The following RARB variants were observed in gnomAD, a reference collection of about 807,000 sequenced individuals.
RARB encodes the protein retinoic acid receptor beta.
A neutral mutation model predicts 51.9 loss-of-function variants in RARB; 17 were observed. The ratio of observed to expected loss-of-function variants is 0.33; its 90% CI spans 0.22 to 0.49. RARB has a LOEUF of 0.49. RARB is among the 20% of genes least tolerant of loss of function. The probability of loss-of-function intolerance (pLI) is 0.99; values close to 1 mark genes in which losing one functional copy is unlikely to be tolerated. For synonymous variants in RARB, 215 were observed against 195.4 expected (o/e 1.10, Z -0.84); for missense variants, 369 against 550.8 (o/e 0.67, Z 3.30).
At chr3:25,137,218 A>G (rs1700042786) in intron 4 of RARB, among the ~76,000 whole-genome samples, 1 of 152,072 alleles carries the variant, frequency 6.6e-6, no homozygotes, top group Non-Finnish European at 1.5e-5. Context: ...ATACATCCAA[A>G]GAAAAAAACT....
chr3:24,860,573 C>T (rs1042479600), intron 2 of RARB, among the ~76,000 whole-genome samples: 31 of 152,130 alleles, frequency 2.0e-4, no homozygotes, highest in Non-Finnish European at 3.2e-4. Context: ...ACTGCTGCTC[C>T]CTCTTACTCT....
chr3:25,310,174 G>C (rs1704255180), intron 5 of RARB, among the ~76,000 whole-genome samples: 1 of 152,208 alleles, frequency 6.6e-6, no homozygotes, highest in Non-Finnish European at 1.5e-5. Flanking sequence ...ACGGTGACGA[G>C]CAGCACTCAT....
intron 5 of RARB, among the ~76,000 whole-genome samples, chr3:25,382,780 C>T (rs1706668062): frequency 1.3e-5 from 2 of 152,104 alleles, no homozygotes. Context: ...ATTGTTTGAA[C>T]CCTGGAGGCA....
At chr3:25,081,721 C>T (rs1382857161) in intron 3 of RARB, among the ~76,000 whole-genome samples, 2 of 142,422 alleles carry the variant, frequency 1.4e-5, no homozygotes, top group Admixed American at 1.4e-4. Flanking sequence ...CAACCTCCAC[C>T]TTCCGAGTTC....
chr3:25,319,943 G>A (rs1704522256), intron 5 of RARB, among the ~76,000 whole-genome samples: 1 of 152,058 alleles, frequency 6.6e-6, no homozygotes, highest in Non-Finnish European at 1.5e-5. Flanking sequence ...GCTTAATTTG[G>A]GTGGTCAAAA....
intron 2 of RARB, among the ~76,000 whole-genome samples, chr3:25,498,660 T>C (rs185302994): frequency 1.3e-5 from 2 of 151,830 alleles, no homozygotes; most frequent in East Asian, 3.9e-4. Flanking sequence ...TGTTCTTCTC[T>C]CCTTTCTGGT....
At chr3:24,911,705 C>T (rs1694992439) in intron 2 of RARB, among the ~76,000 whole-genome samples, 2 of 152,190 alleles carry the variant, frequency 1.3e-5, no homozygotes. Flanking sequence ...GTAATCCTAG[C>T]ACTTTGGGAG....
intron 5 of RARB, among the ~76,000 whole-genome samples, chr3:25,188,097 T>C (rs558437841): frequency 6.6e-6 from 1 of 152,122 alleles, no homozygotes; most frequent in Non-Finnish European, 1.5e-5. Flanking sequence ...ACAATATTCT[T>C]ACATTTTTAA....
chr3:24,966,735 T>A (rs572531488), intron 2 of RARB, among the ~76,000 whole-genome samples: 2 of 152,166 alleles, frequency 1.3e-5, no homozygotes, highest in Admixed American at 6.5e-5. Context: ...TCACCCACTT[T>A]AAAGAACAGC....
In RARB at chr3:25,272,447, C is replaced by T. The variant is rs567774224; in HGVS notation, c.178+97872C>T. 1.2e-4 allele frequency among the ~76,000 whole-genome samples: 18 copies of T among 152,302 alleles called. 1 individual carries two copies. The highest frequency in any genetic ancestry group is 3.9e-4 in the Admixed American group (6 of 15,304). ...TATAACAGAGGCCTCTGGATGGACC[C>T]GGACATGGTAGTCATCTGAGGCAGG... On this transcript the variant is annotated intron_variant, in intron 5 of 11. Transcript: ENST00000383772.
chr3:25,106,674 A>C (rs1343407163), intron 3 of RARB, among the ~76,000 whole-genome samples: 1 of 151,054 alleles, frequency 6.6e-6, no homozygotes, highest in East Asian at 2.0e-4. Context: ...AATGTTGACC[A>C]TGTGAATTTG....
chr3:25,378,913 G>A (rs747789715), intron 5 of RARB, among the ~76,000 whole-genome samples: 2 of 152,114 alleles, frequency 1.3e-5, no homozygotes. Context: ...CAGACAAAAG[G>A]GATCAATGAG....
chr3:25,471,773 A>T (rs1202462054), intron 2 of RARB, among the ~76,000 whole-genome samples: 2 of 152,204 alleles, frequency 1.3e-5, no homozygotes, highest in Non-Finnish European at 2.9e-5. Context: ...TGTTATAACA[A>T]ACTAAAGGTC....
rs71057701 is a variant in RARB, at chr3:25,176,334, TTTCCTTCCTTCCTTCCTTCCTTCC to T, written c.178+1790_178+1813del. ...CTTTCTTTCTTTCTTTCTTTCTTTCTTTCCTTCCTTCCTTCCTTCCTTCCTTCCTTCCTTCCTTCCTTCCTTCCT... is the reference window on the plus strand; with the variant it reads ...CTTTCTTTCTTTCTTTCTTTCTTTCTTTCCTTCCTTCCTTCCTTCCTTCCT... On this transcript the variant is annotated intron_variant, in intron 5 of 11. Coordinates refer to the RARB transcript ENST00000383772. 8.9e-4 allele frequency among the ~76,000 whole-genome samples: 97 copies of T among 108,550 alleles called. 2 individuals are homozygous for T. Among genetic ancestry groups the T allele is most frequent in the Admixed American group, 2.6e-3 (24 of 9,196 alleles). The allele number at this position is 108,550 out of a possible 152,430, so 71.2% of individuals were successfully genotyped here.
chr3:25,560,586 C>A (rs1367881547), intron 3 of RARB, among the ~76,000 whole-genome samples: 3 of 152,136 alleles, frequency 2.0e-5, no homozygotes, highest in Non-Finnish European at 4.4e-5. Flanking sequence ...AGAGGTGAAC[C>A]CACTGGAAGC....
intron 3 of RARB, among the ~76,000 whole-genome samples, chr3:25,084,692 T>C (rs920630357): frequency 2.6e-5 from 4 of 151,982 alleles, no homozygotes; most frequent in Non-Finnish European, 5.9e-5. Flanking sequence ...TTTGATATTA[T>C]CTCTTACTGC....
chr3:25,024,295 T>G (rs1024259323), intron 2 of RARB, among the ~76,000 whole-genome samples: 3 of 152,200 alleles, frequency 2.0e-5, no homozygotes, highest in Non-Finnish European at 2.9e-5. Flanking sequence ...ATTATTTGAT[T>G]ACCATTATTT....
intron 2 of RARB, among the ~76,000 whole-genome samples, chr3:24,964,805 C>T (rs764160875): frequency 1.3e-4 from 20 of 152,272 alleles, no homozygotes; most frequent in Middle Eastern, 3.4e-3. Flanking sequence ...CTCCTAAAGG[C>T]GATGTCCCCG....
At chr3:25,198,494 T>G (rs143149896) in intron 5 of RARB, among the ~76,000 whole-genome samples, 99 of 152,198 alleles carry the variant, frequency 6.5e-4, no homozygotes, top group African/African-American at 2.2e-3. Flanking sequence ...ACCCACAGAA[T>G]GGGAGAAAAT....
Sources: gnomAD v4.1 joint callset for allele counts (sites outside exome capture counted in the v4.1 genomes callset) on GRCh38, gnomAD v4.1.1 for gene constraint, MANE v1.5 for transcripts, NCBI Gene and HGNC (gene_info 2026-07-23, HGNC 2026-07-21) for gene names.